The following HOXC5 variants were observed in gnomAD, a reference collection of about 807,000 sequenced individuals.
HOXC5 encodes homeobox protein Hox-C5.
HOXC5 carries 19 observed loss-of-function variants against 20.1 expected under a neutral mutation model. The ratio of observed to expected loss-of-function variants is 0.94; its 90% CI spans 0.66 to 1.38. The LOEUF is 1.38. Among genes scored for constraint, HOXC5 ranks in the 40% most tolerant of loss-of-function variants. The pLI, the probability that HOXC5 is intolerant of heterozygous loss-of-function variation, is 0.00. For synonymous variants in HOXC5, 124 were observed against 117.0 expected (o/e 1.06, Z -0.39); for missense variants, 330 against 300.1 (o/e 1.10, Z -0.74).
chr12:54,033,021 T>C (rs1941045075), upstream of HOXC5: 1 of 889,242 alleles, frequency 1.1e-6, no homozygotes, highest in Non-Finnish European at 1.7e-6. Context: ...TCTCCACCTA[T>C]AAATTGTCCA....
chr12:54,033,052 C>T lies in HOXC5; in HGVS notation c.-71C>T. The stretch of plus-strand genomic sequence containing the variant: ...GTCCACTTTGGAGAACAAAAAACCC[C>T]TCAACTTCAAAGAGTCACAAATCAC... On this transcript the variant is annotated 5_prime_UTR_variant, in exon 1 of 2. Transcript: ENST00000312492. 1 of 1,324,092 alleles carries T rather than the reference C, an allele frequency of 7.6e-7. No individual in the cohort carries two copies. 82.0% of individuals were successfully genotyped at this position (1,324,092 alleles called of 1,614,324 possible).
At position 54,033,387 on chromosome 12, in the gene HOXC5, G is replaced by A. The variant is rs1941066127; in HGVS notation, c.265G>A (p.Asp89Asn). The A allele has an allele frequency of 6.2e-7, 1 of 1,612,754 alleles. No individual in the cohort carries two copies. Among genetic ancestry groups the A allele is most frequent in the South Asian group, 1.1e-5 (1 of 90,998 alleles). ...AAAPGHAPGR[D>N]EAAPLNPGMY... ...CGCTCCGGGACACGCTCCGGGCAGA[G>A]ACGAAGCGGCTCCTCTGAACCCCGG... is the stretch of plus-strand genomic sequence containing the variant. Residue 89 changes from aspartate to asparagine, a missense_variant, in exon 1 of 2, where the codon GAC (aspartate) becomes AAC (asparagine). Asp to Asn is a conservative substitution (Grantham distance 23, BLOSUM62 1). Coordinates refer to ENST00000312492, the MANE Select transcript of HOXC5 (RefSeq NM_018953.4).
the HOXC5 span, among the ~76,000 whole-genome samples, chr12:54,019,756 T>C: frequency 2.6e-5 from 4 of 152,062 alleles, no homozygotes; most frequent in African/African-American, 4.8e-5. Context: ...CACAGCGAGA[T>C]TTGGAGGTGC....
chr12:54,027,831 T>C, the HOXC5 span, among the ~76,000 whole-genome samples: 66 of 152,266 alleles, frequency 4.3e-4, no homozygotes, highest in South Asian at 8.3e-4. Context: ...ACATCCCTAC[T>C]ACATTCAAGA....
chr12:54,034,628 A>G lies in HOXC5; in HGVS notation c.*136A>G. On this transcript the variant is annotated 3_prime_UTR_variant, in exon 2 of 2. Coordinates refer to ENST00000312492, the MANE Select transcript of HOXC5 (RefSeq NM_018953.4). Reference sequence around the variant, plus strand: ...TGGGCTCCCGGGCCCCACAGACAAAAGCGCTTTTCCTTGGCATTCCGCATC... The same window carrying G: ...TGGGCTCCCGGGCCCCACAGACAAAGGCGCTTTTCCTTGGCATTCCGCATC... 1.4e-6 allele frequency: 1 copy of G among 727,248 alleles called. No homozygotes were observed. The highest frequency in any genetic ancestry group is 2.2e-6 in the Non-Finnish European group (1 of 446,520). The allele number at this position is 727,248 out of a possible 1,614,324, so 45.0% of individuals were successfully genotyped here. A position where few individuals can be genotyped will look rare whatever the true frequency, so the allele number is the denominator to read the frequency against.
At chr12:54,028,271 T>A (rs1011423186), upstream of HOXC5, 462 of 227,074 alleles carry the variant, frequency 2.0e-3, 2 homozygotes, top group Non-Finnish European at 3.3e-3. Flanking sequence ...ATATATATTT[T>A]TTAAAAGAAA....
chr12:54,018,115 G>A, the HOXC5 span, among the ~76,000 whole-genome samples: 13 of 152,080 alleles, frequency 8.5e-5, no homozygotes, highest in African/African-American at 2.9e-4. Context: ...CGGGCGGATG[G>A]AAGGGTGGGA....
Position 54,033,340 on chromosome 12 carries a change from GC to G in HOXC5, c.222del (p.Ala75ProfsTer20), listed in dbSNP as rs1565745295. ...MAANPRAHPD[R>X]PACSAAAAPG... ...GCCAACCCCCGGGCTCACCCCGACC[GC>G]CCCGCCTGCAGCGCCGCGGCCGCTC... On this transcript the variant is annotated frameshift_variant, in exon 1 of 2. Coordinates refer to ENST00000312492, the MANE Select transcript of HOXC5 (RefSeq NM_018953.4). LOFTEE classifies it high-confidence loss of function. 10 of 1,612,616 alleles carry G rather than the reference GC, an allele frequency of 6.2e-6. No individual in the cohort carries two copies. The highest frequency in any genetic ancestry group is 8.5e-6 in the Non-Finnish European group (10 of 1,179,506).
the HOXC5 span, among the ~76,000 whole-genome samples, chr12:54,025,515 A>C: frequency 9.6e-6 from 1 of 103,878 alleles, no homozygotes; most frequent in South Asian, 4.4e-4. Context: ...TTCCTCAGGA[A>C]TGAAAGGTAA....
the HOXC5 span, chr12:54,020,624 A>G: frequency 2.0e-5 from 3 of 152,216 alleles, no homozygotes; most frequent in African/African-American, 2.4e-5. Flanking sequence ...GGTTAATTGT[A>G]TATTACCATG....
rs1941153945 is a variant in HOXC5, at chr12:54,035,129, C to G, written c.*637C>G. Reference sequence around the variant, plus strand: ...ACCCGGGAACCTCCCCAGCCTGCGCCTGCTGCATGCCCTCTCAGGCCGGCA... The same window carrying G: ...ACCCGGGAACCTCCCCAGCCTGCGCGTGCTGCATGCCCTCTCAGGCCGGCA... On this transcript the variant is annotated 3_prime_UTR_variant, in exon 2 of 2. Coordinates refer to ENST00000312492, the MANE Select transcript of HOXC5 (RefSeq NM_018953.4). 1 of 154,256 alleles carries G rather than the reference C, an allele frequency of 6.5e-6. No homozygotes were observed. The highest frequency in any genetic ancestry group is 6.4e-5 in the Admixed American group (1 of 15,574). 9.6% of individuals were successfully genotyped at this position (154,256 alleles called of 1,614,324 possible).
chr12:54,030,891 C>G (rs1850962542), upstream of HOXC5: 1 of 152,276 alleles, frequency 6.6e-6, no homozygotes, highest in African/African-American at 2.4e-5. Context: ...GCTCCAAGCG[C>G]TCCCGCGCCT....
At chr12:54,023,032 C>T in the HOXC5 span, among the ~76,000 whole-genome samples, 1 of 152,188 alleles carries the variant, frequency 6.6e-6, no homozygotes, top group African/African-American at 2.4e-5. Flanking sequence ...CTGGGCCAAG[C>T]AGGGCCACTT....
chr12:54,029,780 A>G (rs751262560), upstream of HOXC5: 22 of 1,614,150 alleles, frequency 1.4e-5, no homozygotes, highest in Non-Finnish European at 1.7e-5. Flanking sequence ...CGAGATCGCC[A>G]ACGCGCTTTG....
chr12:54,032,669 TCTC>T (rs1327686224), upstream of HOXC5, among the ~76,000 whole-genome samples: 1 of 152,152 alleles, frequency 6.6e-6, no homozygotes, highest in African/African-American at 2.4e-5. Flanking sequence ...ACAACCAGCT[TCTC>T]CTTCACAGTG....
chr12:54,025,446 C>G, the HOXC5 span, among the ~76,000 whole-genome samples: 1 of 150,590 alleles, frequency 6.6e-6, no homozygotes, highest in Non-Finnish European at 1.5e-5. Flanking sequence ...GGAGCGAATC[C>G]TTTCAGCAAA....
chr12:54,032,209 T>C (rs1941011282), upstream of HOXC5, among the ~76,000 whole-genome samples: 1 of 152,166 alleles, frequency 6.6e-6, no homozygotes, highest in African/African-American at 2.4e-5. Context: ...CCTAGCATGG[T>C]GAGGTCTAGC....
upstream of HOXC5, among the ~76,000 whole-genome samples, chr12:54,031,797 G>C (rs1940998515): frequency 6.6e-6 from 1 of 152,212 alleles, no homozygotes; most frequent in Non-Finnish European, 1.5e-5. Context: ...TGGGGCTACG[G>C]GGGAAGAGGA....
the HOXC5 span, among the ~76,000 whole-genome samples, chr12:54,024,629 G>T: frequency 6.6e-6 from 1 of 152,164 alleles, no homozygotes; most frequent in Non-Finnish European, 1.5e-5. Flanking sequence ...GCAAGGTGAG[G>T]CCTGCCCACG....
Sources: allele counts gnomAD v4.1 joint callset (sites outside exome capture counted in the v4.1 genomes callset), GRCh38; gene constraint gnomAD v4.1.1; transcripts MANE v1.5; gene names NCBI Gene and HGNC (gene_info 2026-07-23, HGNC 2026-07-21).